The following NOP58 variants were observed in gnomAD, a reference collection of about 807,000 sequenced individuals.
NOP58 encodes the protein NOP58 ribonucleoprotein, also known as nucleolar protein 58.
Under a neutral mutation model 71.2 loss-of-function variants are expected in NOP58, and 44 were observed. The observed-to-expected ratio is 0.62, with a 90% CI of 0.49 to 0.79. The LOEUF (loss-of-function observed/expected upper bound fraction) is 0.79. Among genes scored for constraint, NOP58 ranks in the 30% least tolerant of loss-of-function variants. The probability of loss-of-function intolerance (pLI) is 0.00; values close to 1 mark genes in which losing one functional copy is unlikely to be tolerated. For missense variants in NOP58, 538 were observed against 620.2 expected, an observed-to-expected ratio of 0.87 and a Z score of 1.41; for synonymous variants, 228 against 200.3, an observed-to-expected ratio of 1.14 and a Z score of -1.17.
At chr2:202,277,125 A>C (rs906593956) in intron 2 of NOP58, among the ~76,000 whole-genome samples, 1 of 152,144 alleles carries the variant, frequency 6.6e-6, no homozygotes, top group Non-Finnish European at 1.5e-5. Flanking sequence ...GTCTCTACGA[A>C]AAATACAAAA....
At chr2:202,280,021 C>T (rs1401164949) in intron 3 of NOP58, among the ~76,000 whole-genome samples, 4 of 152,162 alleles carry the variant, frequency 2.6e-5, no homozygotes, top group Admixed American at 2.6e-4. Flanking sequence ...GTCATAGAAA[C>T]ATTTACAATG....
chr2:202,297,887 G>GA lies in NOP58; in HGVS notation c.1254dup (p.Tyr419IlefsTer2). Reference sequence around the variant, plus strand: ...AACAGGAAAAGCATTAGCAAAAACAGAAAAATATGAACACAAAAGGTGAGT... The same window carrying GA: ...AACAGGAAAAGCATTAGCAAAAACAGAAAAAATATGAACACAAAAGGTGAGT... On this transcript the variant is annotated frameshift_variant, in exon 12 of 15. Coordinates refer to ENST00000264279, the MANE Select transcript of NOP58 (RefSeq NM_015934.5). LOFTEE classifies it high-confidence loss of function. 1 of 1,585,408 alleles carries GA rather than the reference G, an allele frequency of 6.3e-7. No homozygotes were observed. The highest frequency in any genetic ancestry group is 8.6e-7 in the Non-Finnish European group (1 of 1,167,310).
At chr2:202,272,149 A>T (rs1427659894) in intron 1 of NOP58, among the ~76,000 whole-genome samples, 8 of 111,160 alleles carry the variant, frequency 7.2e-5, no homozygotes, top group South Asian at 5.7e-4. Flanking sequence ...CTGATGTATA[A>T]TTTTTTTTTT....
intron 1 of NOP58, among the ~76,000 whole-genome samples, chr2:202,271,577 A>T (rs1688512531): frequency 6.6e-6 from 1 of 151,938 alleles, no homozygotes; most frequent in Admixed American, 6.6e-5. Flanking sequence ...TCAAAAATAA[A>T]AAAAAAAAGA....
chr2:202,287,571 A>G, intron 5 of NOP58, 89 bp from the exon 6 acceptor site: 1 of 1,033,192 alleles, frequency 9.7e-7, no homozygotes, highest in Non-Finnish European at 1.5e-6. Flanking sequence ...ATTTGAGTAA[A>G]AACAAAAACA....
rs928323556 is a variant in NOP58 at position 202,284,698 on chromosome 2, A to G, written c.434+217A>G. The G allele has an allele frequency of 2.6e-5, 12 of 465,902 alleles. No individual in the cohort carries two copies. In the Admixed American group the frequency reaches 3.8e-4, roughly 15 times the overall value. The allele number at this position is 465,902 out of a possible 1,614,324, so 28.9% of individuals were successfully genotyped here. A position where few individuals can be genotyped will look rare whatever the true frequency, so the allele number is the denominator to read the frequency against. ...ATTTGAACCCAGGCAGTCTGGCTCT[A>G]TTGTCTGGATTCTTAAAACCTTAAA... is the stretch of plus-strand genomic sequence containing the variant. On this transcript the variant is annotated intron_variant, in intron 5 of 14. Coordinates refer to ENST00000264279, the MANE Select transcript of NOP58 (RefSeq NM_015934.5).
At chr2:202,269,531 G>A (rs1688479031) in intron 1 of NOP58, among the ~76,000 whole-genome samples, 1 of 151,930 alleles carries the variant, frequency 6.6e-6, no homozygotes, top group Non-Finnish European at 1.5e-5. Flanking sequence ...ATATATAAAT[G>A]TAAAGACATT....
intron 5 of NOP58, among the ~76,000 whole-genome samples, chr2:202,285,341 A>ATTTTTTT (rs932875625): frequency 1.1e-4 from 9 of 81,264 alleles, no homozygotes; most frequent in Admixed American, 1.4e-4. Context: ...CACACCCGGC[A>ATTTTTTT]TTTTTTTTTT....
At chr2:202,277,451 G>A (rs906650317) in intron 2 of NOP58, among the ~76,000 whole-genome samples, 3 of 151,672 alleles carry the variant, frequency 2.0e-5, no homozygotes, top group Non-Finnish European at 4.4e-5. Flanking sequence ...GCACTCCAGC[G>A]TGGGTGACAG....
intron 1 of NOP58, among the ~76,000 whole-genome samples, chr2:202,267,622 A>T (rs778718078): frequency 6.6e-6 from 1 of 152,138 alleles, no homozygotes; most frequent in African/African-American, 2.4e-5. Flanking sequence ...CTCTTAGCCA[A>T]TGTGGTCTGT....
intron 1 of NOP58, among the ~76,000 whole-genome samples, chr2:202,269,606 G>A (rs1688480173): frequency 6.6e-6 from 1 of 152,174 alleles, no homozygotes; most frequent in African/African-American, 2.4e-5. Flanking sequence ...GCCGAGAGCA[G>A]TGGCTCACGC....
intron 1 of NOP58, among the ~76,000 whole-genome samples, chr2:202,267,132 G>T (rs894198613): frequency 6.6e-6 from 1 of 152,154 alleles, no homozygotes; most frequent in African/African-American, 2.4e-5. Context: ...GAGATTGAGT[G>T]CCTTTTCTTG....
At chr2:202,282,884 A>G (rs964009083) in intron 4 of NOP58, among the ~76,000 whole-genome samples, 1 of 152,156 alleles carries the variant, frequency 6.6e-6, no homozygotes, top group African/African-American at 2.4e-5. Flanking sequence ...GTGGAAAGAA[A>G]GACTAGGAAA....
At chr2:202,290,925 G>A in intron 7 of NOP58, 200 bp from the exon 8 acceptor site, 1 of 451,354 alleles carries the variant, frequency 2.2e-6, no homozygotes, top group Non-Finnish European at 3.9e-6. Context: ...TTTGGAAGAA[G>A]GTGGTGGGGA....
Position 202,295,766 on chromosome 2 carries a change from G to C in NOP58, c.1000G>C (p.Asp334His). ...TTTCAGAGCCCTCAAATCTAGACGG[G>C]ATACCCCTAAGTATGGTCTCATTTA... Reference protein sequence around the residue: ...ALFRALKSRRDTPKYGLIYHA... With the variant: ...ALFRALKSRRHTPKYGLIYHA... Residue 334 changes from aspartate (D) to histidine (H), a missense_variant, in exon 10 of 15, where the codon GAT becomes CAT. Asp to His is a moderately conservative substitution (Grantham distance 81). Coordinates refer to ENST00000264279, the MANE Select transcript of NOP58 (RefSeq NM_015934.5). 1.2e-6 allele frequency: 2 copies of C among 1,611,950 alleles called. No homozygotes were observed. The highest frequency in any genetic ancestry group is 1.7e-6 in the Non-Finnish European group (2 of 1,179,144).
intron 1 of NOP58, among the ~76,000 whole-genome samples, chr2:202,273,451 G>A (rs1688541881): frequency 6.6e-6 from 1 of 152,064 alleles, no homozygotes; most frequent in Non-Finnish European, 1.5e-5. Context: ...ATAAATATTT[G>A]TATACAGAAA....
At chr2:202,290,143 A>T (rs1401202482) in intron 6 of NOP58, among the ~76,000 whole-genome samples, 180 bp from the exon 7 acceptor site, 1 of 152,012 alleles carries the variant, frequency 6.6e-6, no homozygotes, top group Non-Finnish European at 1.5e-5. Context: ...TTTAATAGAG[A>T]TGGGGTTTCA....
chr2:202,266,071 A>G, intron 1 of NOP58, 85 bp downstream of exon 1: 1 of 1,488,842 alleles, frequency 6.7e-7, no homozygotes, highest in Admixed American at 1.7e-5. Context: ...GGAACTACTC[A>G]GAGTAGCGTG....
chr2:202,287,667 C>G lies in NOP58; in HGVS notation c.442C>G (p.Arg148Gly). Reference sequence around the variant, plus strand: ...TTTCCCCTTTCTTCCCAGCCTGTCTCGATATAGATTGAAGTTTAGCGCTGA... The same window carrying G: ...TTTCCCCTTTCTTCCCAGCCTGTCTGGATATAGATTGAAGTTTAGCGCTGA... ...MCLGLAHSLS[R>G]YRLKFSADKV... is the part of the protein sequence containing the mutation. Residue 148 changes from arginine to glycine, a missense_variant, in exon 6 of 15, where the codon CGA becomes GGA. Transcript: ENST00000264279. The G allele has an allele frequency of 6.2e-7, 1 of 1,611,500 alleles. No homozygotes were observed. The highest frequency in any genetic ancestry group is 1.1e-5 in the South Asian group (1 of 90,966).
Sources: allele counts gnomAD v4.1 joint callset (sites outside exome capture counted in the v4.1 genomes callset), GRCh38; gene constraint gnomAD v4.1.1; transcripts MANE v1.5; gene names NCBI Gene and HGNC (gene_info 2026-07-23, HGNC 2026-07-21).